The following KIAA1328 variants were observed in gnomAD, a reference collection of about 807,000 sequenced individuals.
The protein encoded by KIAA1328 is KIAA1328.
Under a neutral mutation model 68.1 loss-of-function variants are expected in KIAA1328, and 52 were observed. The observed-to-expected ratio is 0.76, with a 90% CI of 0.61 to 0.96. The LOEUF (loss-of-function observed/expected upper bound fraction) is 0.96. KIAA1328 is among the 40% of genes least tolerant of loss of function. The pLI is 0.00. For synonymous variants in KIAA1328, 232 were observed against 239.4 expected (o/e 0.97, Z 0.28); for missense variants, 641 against 677.6 (o/e 0.95, Z 0.60).
intron 6 of KIAA1328, among the ~76,000 whole-genome samples, chr18:37,006,139 A>G (rs1307044121): frequency 1.3e-5 from 2 of 152,160 alleles, no homozygotes; most frequent in Non-Finnish European, 2.9e-5. Flanking sequence ...ATAATAAAAT[A>G]TCACATGTAT....
At chr18:36,989,597 A>G (rs2053086197) in intron 6 of KIAA1328, among the ~76,000 whole-genome samples, 1 of 152,234 alleles carries the variant, frequency 6.6e-6, no homozygotes, top group Non-Finnish European at 1.5e-5. Flanking sequence ...AAATCCAGAA[A>G]TAGCTGGGGA....
chr18:37,107,605 C>A (rs2057808466), intron 7 of KIAA1328, among the ~76,000 whole-genome samples: 2 of 152,098 alleles, frequency 1.3e-5, no homozygotes, highest in Admixed American at 1.3e-4. Context: ...CTAGGTATTT[C>A]ATTTTTCACT....
In KIAA1328 at chr18:37,160,193, C is replaced by T; in HGVS notation, c.1233-7C>T. The T allele has an allele frequency of 6.2e-7, 1 of 1,607,582 alleles. No homozygotes were observed. Among genetic ancestry groups the T allele is most frequent in the Non-Finnish European group, 8.5e-7 (1 of 1,176,578 alleles). On this transcript the variant is annotated splice_polypyrimidine_tract_variant and splice_region_variant and intron_variant, in intron 7 of 9. Transcript: ENST00000280020. ...CTTCAACAGTTCATTCATCGTTGTT[C>T]TTTCAGTTTATTGAAGTCAAACTGT... is the stretch of plus-strand genomic sequence containing the variant.
At chr18:36,842,201 G>C (rs963403620) in intron 3 of KIAA1328, among the ~76,000 whole-genome samples, 1 of 151,882 alleles carries the variant, frequency 6.6e-6, no homozygotes, top group Non-Finnish European at 1.5e-5. Context: ...AAGCTTAGAG[G>C]AGGGGCCCCT....
chr18:37,153,891 T>G (rs2059097350), intron 7 of KIAA1328, among the ~76,000 whole-genome samples: 1 of 151,404 alleles, frequency 6.6e-6, no homozygotes, highest in South Asian at 2.1e-4. Flanking sequence ...CATGCCAAAA[T>G]TTGAGTATTT....
At chr18:37,196,423 G>C (rs2060004279) in intron 9 of KIAA1328, among the ~76,000 whole-genome samples, 1 of 151,954 alleles carries the variant, frequency 6.6e-6, no homozygotes, top group Admixed American at 6.6e-5. Context: ...ATTAGCTGTG[G>C]GCTTGTCATA....
chr18:36,887,510 G>A (rs1052498709), intron 5 of KIAA1328, among the ~76,000 whole-genome samples: 4 of 151,944 alleles, frequency 2.6e-5, no homozygotes, highest in Non-Finnish European at 5.9e-5. Flanking sequence ...ATTAAGGCAG[G>A]CAGAAAAGGG....
chr18:37,123,248 T>C (rs2058315342), intron 7 of KIAA1328, among the ~76,000 whole-genome samples: 1 of 152,216 alleles, frequency 6.6e-6, no homozygotes. Flanking sequence ...AATTCTTGAC[T>C]GCCTGTTGTT....
At chr18:37,096,859 G>A (rs995703507) in intron 7 of KIAA1328, among the ~76,000 whole-genome samples, 29 of 152,170 alleles carry the variant, frequency 1.9e-4, no homozygotes, top group African/African-American at 7.0e-4. Context: ...TCTTTTGGCT[G>A]CATAAATGTC....
At chr18:36,884,388 G>A (rs879323187) in intron 4 of KIAA1328, among the ~76,000 whole-genome samples, 1 of 152,126 alleles carries the variant, frequency 6.6e-6, no homozygotes, top group Non-Finnish European at 1.5e-5. Context: ...TGACTTGAAT[G>A]CTATGATAAG....
intron 5 of KIAA1328, among the ~76,000 whole-genome samples, chr18:36,901,623 C>T (rs2049041884): frequency 6.6e-6 from 1 of 151,960 alleles, no homozygotes; most frequent in Non-Finnish European, 1.5e-5. Context: ...TCTGACAGCT[C>T]AGGGCGGCAT....
intron 6 of KIAA1328, among the ~76,000 whole-genome samples, chr18:37,051,370 G>A (rs186381733): frequency 3.3e-5 from 5 of 152,180 alleles, no homozygotes; most frequent in South Asian, 2.1e-4. Context: ...CAAAGGTGAC[G>A]TTACAGCTGA....
chr18:37,000,081 A>G (rs1198321275), intron 6 of KIAA1328, among the ~76,000 whole-genome samples: 1 of 152,110 alleles, frequency 6.6e-6, no homozygotes, highest in Non-Finnish European at 1.5e-5. Context: ...GATAAAAAAA[A>G]ATGATCCAAC....
intron 7 of KIAA1328, among the ~76,000 whole-genome samples, chr18:37,110,212 A>G (rs323333): frequency 0.27 from 40,505 of 152,028 alleles, 8,488 homozygotes; most frequent in African/African-American, 0.59. Context: ...GATAAAATAT[A>G]TCCAGGCCAA....
At chr18:36,902,829 C>T (rs1019131009) in intron 5 of KIAA1328, among the ~76,000 whole-genome samples, 3 of 152,046 alleles carry the variant, frequency 2.0e-5, no homozygotes, top group Non-Finnish European at 4.4e-5. Flanking sequence ...CTTTGGCATC[C>T]TCTGTGTTGC....
At chr18:36,916,275 GTCTT>G (rs1170499889) in intron 5 of KIAA1328, among the ~76,000 whole-genome samples, 2 of 151,766 alleles carry the variant, frequency 1.3e-5, no homozygotes, top group Non-Finnish European at 2.9e-5. Flanking sequence ...AAAATCCTTT[GTCTT>G]TCTGTTTCTT....
At chr18:37,074,716 A>T (rs1482838852) in intron 7 of KIAA1328, 1 of 157,070 alleles carries the variant, frequency 6.4e-6, no homozygotes, top group Non-Finnish European at 1.4e-5. Flanking sequence ...CAAAGTTTTC[A>T]ACTTCTTTGC....
intron 5 of KIAA1328, among the ~76,000 whole-genome samples, chr18:36,943,838 A>G (rs898787964): frequency 1.3e-5 from 2 of 152,200 alleles, no homozygotes; most frequent in Non-Finnish European, 2.9e-5. Context: ...ATTCACTTCA[A>G]AGAGTAATCA....
Position 37,224,932 on chromosome 18 carries a change from G to A in KIAA1328, c.*2705G>A, listed in dbSNP as rs565274879. The stretch of plus-strand genomic sequence containing the variant: ...AGTAAGGCCCACAGTTCTTGATGCA[G>A]AGAACCAAAGTGAATCATAGAAAAG... On this transcript the variant is annotated 3_prime_UTR_variant, in exon 10 of 10. Transcript: ENST00000280020. 5 of 985,478 alleles carry A rather than the reference G, an allele frequency of 5.1e-6. 1 individual carries two copies. The South Asian group carries it at 2.3e-4, about 46-fold the overall frequency. The allele number at this position is 985,478 out of a possible 1,614,324, so 61.0% of individuals were successfully genotyped here.
Sources: allele counts gnomAD v4.1 joint callset (sites outside exome capture counted in the v4.1 genomes callset), GRCh38; gene constraint gnomAD v4.1.1; transcripts MANE v1.5; gene names NCBI Gene and HGNC (gene_info 2026-07-23, HGNC 2026-07-21).